The following PRKN variants were observed in gnomAD, a reference collection of about 807,000 sequenced individuals.
PRKN encodes the protein E3 ubiquitin-protein ligase parkin.
A neutral mutation model predicts 59.5 loss-of-function variants in PRKN; 56 were observed. The observed-to-expected ratio is 0.94, with a 90% CI of 0.76 to 1.18. PRKN has a LOEUF of 1.18. PRKN is among the 50% of genes most tolerant of loss of function. The pLI, the probability that PRKN is intolerant of heterozygous loss-of-function variation, is 0.00. For missense variants in PRKN, 657 were observed against 596.4 expected, an observed-to-expected ratio of 1.10 and a Z score of -1.06; for synonymous variants, 250 against 222.1, an observed-to-expected ratio of 1.13 and a Z score of -1.12.
intron 5 of PRKN, among the ~76,000 whole-genome samples, chr6:162,011,254 A>G (rs1782662213): frequency 9.1e-6 from 1 of 109,698 alleles, no homozygotes; most frequent in Non-Finnish European, 1.7e-5. Flanking sequence ...TATATATAAT[A>G]TAGTATATAT....
chr6:162,396,858 G>C (rs1469071814), intron 2 of PRKN, among the ~76,000 whole-genome samples: 1 of 152,060 alleles, frequency 6.6e-6, no homozygotes, highest in East Asian at 1.9e-4. Context: ...ACTGACTTCT[G>C]AGAAACCACA....
chr6:161,902,552 A>ATCTATCTATCTATCTATT (rs1343265664), intron 6 of PRKN, among the ~76,000 whole-genome samples: 3 of 121,052 alleles, frequency 2.5e-5, no homozygotes, highest in East Asian at 2.5e-4. Context: ...CTATCTATTT[A>ATCTATCTATCTATCTATT]TTTATTTATT....
chr6:161,754,065 C>CTCCA lies in PRKN; in HGVS notation c.871+31703_871+31706dup, dbSNP rs529586429. The stretch of plus-strand genomic sequence containing the variant: ...TGGGTGAGCCCAGTTGTGTAATTAT[C>CTCCA]TCCAGCTCTGCAAAGTGGACATTCA... On this transcript the variant is annotated intron_variant, in intron 7 of 11. Transcript: ENST00000366898. Among the ~76,000 whole-genome samples, 19 of 152,152 alleles carry CTCCA rather than the reference C, an allele frequency of 1.2e-4. No homozygotes were observed. The East Asian group carries it at 3.7e-3, about 30-fold the overall frequency.
intron 7 of PRKN, among the ~76,000 whole-genome samples, chr6:161,643,834 C>T (rs1432361760): frequency 1.3e-5 from 2 of 152,132 alleles, no homozygotes; most frequent in African/African-American, 4.8e-5. Context: ...ATAATAACAA[C>T]AATGACATTT....
intron 7 of PRKN, among the ~76,000 whole-genome samples, chr6:161,732,109 T>TG (rs1213610518): frequency 6.7e-6 from 1 of 148,464 alleles, no homozygotes; most frequent in East Asian, 1.9e-4. Flanking sequence ...TTTTTTGAGA[T>TG]GGAGTCTTGC....
chr6:161,904,806 C>T (rs1778082671), intron 6 of PRKN, among the ~76,000 whole-genome samples: 1 of 151,938 alleles, frequency 6.6e-6, no homozygotes, highest in Admixed American at 6.6e-5. Context: ...TGGGGTTGTG[C>T]AGAGGCCGAG....
At chr6:162,285,234 A>G (rs1400126095) in intron 2 of PRKN, among the ~76,000 whole-genome samples, 1 of 148,086 alleles carries the variant, frequency 6.8e-6, no homozygotes, top group Non-Finnish European at 1.5e-5. Context: ...AGCAGCAGGC[A>G]TGTATCAGGG....
intron 7 of PRKN, among the ~76,000 whole-genome samples, chr6:161,604,730 T>C: frequency 6.6e-6 from 1 of 151,978 alleles, no homozygotes; most frequent in Non-Finnish European, 1.5e-5. Context: ...AGAACAGGAG[T>C]TCGAGACCAG....
At chr6:162,383,713 T>C (rs1244255401) in intron 2 of PRKN, among the ~76,000 whole-genome samples, 1 of 152,194 alleles carries the variant, frequency 6.6e-6, no homozygotes, top group African/African-American at 2.4e-5. Flanking sequence ...ATTGATTTTT[T>C]CTCTTTAGCT....
At chr6:162,142,804 G>A (rs1781845358) in intron 4 of PRKN, among the ~76,000 whole-genome samples, 1 of 152,100 alleles carries the variant, frequency 6.6e-6, no homozygotes, top group Non-Finnish European at 1.5e-5. Flanking sequence ...CCATGTTTGA[G>A]GTAGATTTTA....
intron 4 of PRKN, among the ~76,000 whole-genome samples, chr6:162,179,570 C>T (rs1449402922): frequency 3.3e-5 from 5 of 152,126 alleles, no homozygotes; most frequent in Non-Finnish European, 5.9e-5. Flanking sequence ...TTGGAGGTGG[C>T]ATGAGGGGAC....
intron 1 of PRKN, among the ~76,000 whole-genome samples, chr6:162,519,171 A>T (rs1415663645): frequency 6.6e-6 from 1 of 152,192 alleles, no homozygotes; most frequent in African/African-American, 2.4e-5. Flanking sequence ...ACTCCGTCTC[A>T]AAAAACAAAC....
At chr6:161,827,509 CTTT>C (rs5881438) in intron 6 of PRKN, among the ~76,000 whole-genome samples, 1 of 124,914 alleles carries the variant, frequency 8.0e-6, no homozygotes, top group Non-Finnish European at 1.6e-5. Flanking sequence ...ATTGATTTTA[CTTT>C]TTTTTTTTTT....
chr6:162,430,668 A>C (rs1235565595), intron 2 of PRKN, among the ~76,000 whole-genome samples: 2 of 152,122 alleles, frequency 1.3e-5, no homozygotes, highest in African/African-American at 4.8e-5. Flanking sequence ...TGATCCTAAA[A>C]ATAAATTACA....
chr6:162,096,689 G>C (rs140109535), intron 4 of PRKN, among the ~76,000 whole-genome samples: 11 of 152,020 alleles, frequency 7.2e-5, no homozygotes. Context: ...TTTGCCTGCC[G>C]CCATGTAAGA....
In PRKN at chr6:161,388,074, G is replaced by A. The variant is rs987515388; in HGVS notation, c.1084-1197C>T. Among the ~76,000 whole-genome samples, 4 of 152,146 alleles carry A rather than the reference G, an allele frequency of 2.6e-5. No homozygotes were observed. The highest frequency in any genetic ancestry group is 6.6e-5 in the Admixed American group (1 of 15,262). The stretch of plus-strand genomic sequence containing the variant: ...CCTGAAAGCACGTCCCATTCTCATC[G>A]CCACCAGCCATGCTCTGAAGTTACT... On this transcript the variant is annotated intron_variant, in intron 9 of 11. Coordinates refer to ENST00000366898, the MANE Select transcript of PRKN (RefSeq NM_004562.3). This position sits in a 1 kb window ranked among gnomAD's most constrained non-coding sequence, Gnocchi z 4.3.
chr6:162,450,414 A>AC (rs1790568063), intron 1 of PRKN, among the ~76,000 whole-genome samples: 1 of 151,470 alleles, frequency 6.6e-6, no homozygotes, highest in African/African-American at 2.4e-5. Context: ...TATGATTGTA[A>AC]CACCCCTGTG....
intron 6 of PRKN, among the ~76,000 whole-genome samples, chr6:161,858,613 G>C (rs889809527): frequency 1.1e-4 from 17 of 149,294 alleles, no homozygotes; most frequent in African/African-American, 3.7e-4. Flanking sequence ...AATGCTAACA[G>C]AGCCCGGGAA....
At chr6:161,512,300 C>G (rs145295014) in intron 9 of PRKN, among the ~76,000 whole-genome samples, 8 of 104,908 alleles carry the variant, frequency 7.6e-5, no homozygotes, top group African/African-American at 2.4e-4. Flanking sequence ...TGACCCCCCC[C>G]TGAAAATCAA....
Sources: allele counts gnomAD v4.1 joint callset (sites outside exome capture counted in the v4.1 genomes callset), GRCh38; gene constraint gnomAD v4.1.1; non-coding constraint Gnocchi (gnomAD v3.1); transcripts MANE v1.5; gene names NCBI Gene and HGNC (gene_info 2026-07-23, HGNC 2026-07-21).